The following ZNF721 variants were observed in gnomAD, a reference collection of about 807,000 sequenced individuals.
ZNF721 encodes the protein zinc finger protein 721.
A neutral mutation model predicts 2.4 loss-of-function variants in ZNF721; 2 were observed. The observed-to-expected ratio is 0.82, with a 90% confidence interval of 0.34 to 2.58. ZNF721 has a LOEUF of 2.58. ZNF721 is among the 30% of genes most tolerant of loss of function. ZNF721 has a pLI of 0.11. For synonymous variants in ZNF721, 398 were observed against 381.8 expected (o/e 1.04, Z -0.50); for missense variants, 1,187 against 1,085.5 (o/e 1.09, Z -1.31).
intron 2 of ZNF721, chr4:453,698 A>AGAGGCCGCCAG (rs1714747022): frequency 6.6e-6 from 1 of 152,266 alleles, no homozygotes; most frequent in Non-Finnish European, 1.5e-5. Flanking sequence ...TCCAGCTGCC[A>AGAGGCCGCCAG]GAGGCCGCCA....
At chr4:471,947 C>T (rs782174555) in intron 2 of ZNF721, among the ~76,000 whole-genome samples, 4 of 152,118 alleles carry the variant, frequency 2.6e-5, no homozygotes, top group Non-Finnish European at 5.9e-5. Flanking sequence ...AGAGTAAGTC[C>T]TCACTTAATG....
At chr4:492,172 A>AAACAAAC (rs1560246055) in intron 1 of ZNF721, among the ~76,000 whole-genome samples, 2 of 143,902 alleles carry the variant, frequency 1.4e-5, no homozygotes, top group Admixed American at 1.4e-4. Context: ...CAAAAAAAAA[A>AAACAAAC]AAACAAACAA....
intron 2 of ZNF721, among the ~76,000 whole-genome samples, chr4:445,122 C>T (rs548431067): frequency 2.0e-5 from 3 of 151,568 alleles, no homozygotes; most frequent in Admixed American, 6.6e-5. Context: ...ATAGCTGGGA[C>T]TACAGGCACC....
At position 443,330 on chromosome 4, in the gene ZNF721, G is replaced by C. The variant is rs1560224129; in HGVS notation, c.1137C>G (p.His379Gln). The change falls in exon 3 of 3, where the codon CAC (histidine) becomes CAG (glutamine). Residue 379 changes from histidine to glutamine, a missense_variant. By Grantham distance (24) the His-to-Gln change is conservative. Transcript: ENST00000511833. ...AFGRYTALNQ[H>Q]KKIHTGEKPY... ...GTTTCTCTCCAGTATGAATTTTCTT[G>C]TGTTGATTCAGGGCTGTGTACCGTC... 1 of 1,613,006 alleles carries C rather than the reference G, an allele frequency of 6.2e-7. No homozygotes were observed. Among genetic ancestry groups the C allele is most frequent in the Admixed American group, 1.7e-5 (1 of 59,922 alleles).
chr4:473,485 G>C (rs1158346676), intron 1 of ZNF721, among the ~76,000 whole-genome samples: 1 of 152,136 alleles, frequency 6.6e-6, no homozygotes, highest in African/African-American at 2.4e-5. Context: ...GGGCGGGCTG[G>C]TGATTCGCTT....
chr4:480,089 C>T (rs1715735250), intron 1 of ZNF721, among the ~76,000 whole-genome samples: 4 of 152,110 alleles, frequency 2.6e-5, no homozygotes, highest in African/African-American at 7.2e-5. Context: ...TACAGAAACA[C>T]TTTAAGTCAA....
chr4:461,108 G>C (rs1454866617), intron 2 of ZNF721, among the ~76,000 whole-genome samples: 1 of 152,162 alleles, frequency 6.6e-6, no homozygotes, highest in Non-Finnish European at 1.5e-5. Flanking sequence ...TATGAGGCCA[G>C]CATCATCCTG....
intron 1 of ZNF721, among the ~76,000 whole-genome samples, chr4:486,476 A>G (rs1715900565): frequency 6.6e-6 from 1 of 152,054 alleles, no homozygotes; most frequent in Non-Finnish European, 1.5e-5. Context: ...TGTGATTTCT[A>G]TGTGTGCTCT....
chr4:478,344 G>GT (rs1306517327), intron 1 of ZNF721, among the ~76,000 whole-genome samples: 111 of 151,684 alleles, frequency 7.3e-4, no homozygotes, highest in Middle Eastern at 3.4e-3. Context: ...CTGTTACTTT[G>GT]TTTTTTTTGC....
chr4:490,670 T>C (rs1347979219), intron 1 of ZNF721, among the ~76,000 whole-genome samples: 2 of 152,186 alleles, frequency 1.3e-5, no homozygotes, highest in Non-Finnish European at 2.9e-5. Flanking sequence ...GGTTATGAAA[T>C]GTAAAACATT....
Position 443,114 on chromosome 4 carries a change from C to T in ZNF721, c.1353G>A (p.Gly451=), listed in dbSNP as rs1451522199. 2.5e-6 allele frequency: 4 copies of T among 1,613,594 alleles called. No homozygotes were observed. Among genetic ancestry groups the T allele is most frequent in the Non-Finnish European group, 3.4e-6 (4 of 1,179,808 alleles). Residue 451 remains glycine, a synonymous_variant, in exon 3 of 3, where the codon GGG becomes GGA. Transcript: ENST00000511833. ...GDKPYKCKEC[G]KAFIHSLHLN... is the part of the protein sequence containing the mutation. ...GGTGCAAGGAATGTATAAAGGCTTT[C>T]CCACATTCTTTACATTTGTAGGGTT...
chr4:440,234 A>G lies in ZNF721; in HGVS notation c.*1461T>C, dbSNP rs879981266. 2 of 152,144 alleles carry G rather than the reference A, an allele frequency of 1.3e-5. No individual in the cohort carries two copies. The highest frequency in any genetic ancestry group is 2.9e-5 in the Non-Finnish European group (2 of 68,020). The allele number at this position is 152,144 out of a possible 1,614,324, so 9.4% of individuals were successfully genotyped here. On this transcript the variant is annotated 3_prime_UTR_variant, in exon 3 of 3. Transcript: ENST00000511833. ...CTCAGATTTTCCTGGTGCATCTTTT[A>G]TTTCTCTTCTCTTTCATGTAGAAGT...
intron 1 of ZNF721, among the ~76,000 whole-genome samples, chr4:497,728 A>C (rs1553872679): frequency 2.3e-5 from 3 of 130,354 alleles, no homozygotes; most frequent in African/African-American, 8.9e-5. Flanking sequence ...ACTACTAAAA[A>C]ATACAAAAAA....
intron 1 of ZNF721, among the ~76,000 whole-genome samples, chr4:488,598 G>A (rs1435279049): frequency 6.6e-6 from 1 of 152,132 alleles, no homozygotes; most frequent in Non-Finnish European, 1.5e-5. Context: ...TTGGGAGGCC[G>A]AGGCAGGCGG....
intron 2 of ZNF721, 53 bp downstream of exon 2, chr4:472,522 G>GA (rs1715467045): frequency 5.3e-5 from 82 of 1,558,814 alleles, no homozygotes; most frequent in Non-Finnish European, 6.8e-5. Context: ...TACAAAAATA[G>GA]AAAATAAAAC....
chr4:467,214 C>T (rs1387703657), intron 2 of ZNF721, among the ~76,000 whole-genome samples: 1 of 124,276 alleles, frequency 8.0e-6, no homozygotes, highest in Non-Finnish European at 1.6e-5. Flanking sequence ...AAGACTCCAT[C>T]TCAAAAAAAA....
chr4:491,478 G>A (rs1260847883), intron 1 of ZNF721, among the ~76,000 whole-genome samples: 1 of 152,170 alleles, frequency 6.6e-6, no homozygotes, highest in Non-Finnish European at 1.5e-5. Context: ...TGAAACAAAT[G>A]GTGATACACT....
intron 2 of ZNF721, among the ~76,000 whole-genome samples, chr4:456,750 AC>A (rs1397753813): frequency 6.6e-6 from 1 of 152,166 alleles, no homozygotes; most frequent in East Asian, 1.9e-4. Flanking sequence ...GTGGTAGCAC[AC>A]GCCTGTAGTA....
intron 1 of ZNF721, among the ~76,000 whole-genome samples, chr4:495,944 C>G (rs1171870921): frequency 6.6e-6 from 1 of 152,098 alleles, no homozygotes; most frequent in Non-Finnish European, 1.5e-5. Flanking sequence ...TTAAAAAAAT[C>G]TTTTTAAATC....
Sources: gnomAD v4.1 joint callset for allele counts (sites outside exome capture counted in the v4.1 genomes callset) on GRCh38, gnomAD v4.1.1 for gene constraint, MANE v1.5 for transcripts, NCBI Gene and HGNC (gene_info 2026-07-23, HGNC 2026-07-21) for gene names.